The following NELL1 variants were observed in gnomAD, a reference collection of about 807,000 sequenced individuals.
The protein encoded by NELL1 is protein kinase C-binding protein NELL1.
A neutral mutation model predicts 107.4 loss-of-function variants in NELL1; 76 were observed. The observed-to-expected ratio is 0.71, with a 90% confidence interval of 0.59 to 0.86. The LOEUF (loss-of-function observed/expected upper bound fraction) is 0.86. Ranked by LOEUF, NELL1 falls within the 40% of genes least tolerant of loss-of-function variation. The probability of loss-of-function intolerance (pLI) is 0.00; values close to 1 mark genes in which losing one functional copy is unlikely to be tolerated. For synonymous variants in NELL1, 353 were observed against 341.2 expected, an observed-to-expected ratio of 1.03 and a Z score of -0.38; for missense variants, 1,024 against 1,005.5, an observed-to-expected ratio of 1.02 and a Z score of -0.25.
rs527331700 is a variant in NELL1 at position 21,193,965 on chromosome 11, G to A, written c.1427-35367G>A. On this transcript the variant is annotated intron_variant, in intron 13 of 19. Coordinates refer to ENST00000357134, the MANE Select transcript of NELL1 (RefSeq NM_006157.5). ...TTCATCTTTGAGGAGTCTCACAGAT[G>A]TGGATCATCCTTATTCCATCAAATT... Among the ~76,000 whole-genome samples the A allele has an allele frequency of 1.3e-3, 190 of 151,970 alleles. 6 individuals are homozygous for A. Among genetic ancestry groups the A allele is most frequent in the African/African-American group, 4.5e-3 (184 of 41,264 alleles).
At chr11:20,776,651 A>T (rs1856757163) in intron 2 of NELL1, among the ~76,000 whole-genome samples, 1 of 152,106 alleles carries the variant, frequency 6.6e-6, no homozygotes, top group Admixed American at 6.5e-5. Context: ...TCAGAAAAGG[A>T]GGGAGAGAAG....
At chr11:21,410,971 T>C (rs1852362497) in intron 15 of NELL1, among the ~76,000 whole-genome samples, 1 of 152,022 alleles carries the variant, frequency 6.6e-6, no homozygotes, top group South Asian at 2.1e-4. Context: ...GAAGAGAATA[T>C]AGCCTGGCCA....
At chr11:20,684,670 C>G (rs1055817904) in intron 2 of NELL1, among the ~76,000 whole-genome samples, 28 of 151,998 alleles carry the variant, frequency 1.8e-4, no homozygotes, top group African/African-American at 6.3e-4. Context: ...GTCTTTGGTA[C>G]TGAGCTTTTG....
chr11:21,513,620 A>G (rs979087267), intron 15 of NELL1, among the ~76,000 whole-genome samples: 8 of 152,206 alleles, frequency 5.3e-5, no homozygotes, highest in Non-Finnish European at 1.0e-4. Context: ...TTGTTAACTA[A>G]GCTAAAATAG....
intron 14 of NELL1, among the ~76,000 whole-genome samples, chr11:21,273,371 C>T (rs184085421): frequency 8.1e-4 from 124 of 152,148 alleles, no homozygotes; most frequent in African/African-American, 2.3e-3. Flanking sequence ...TAAAAAGAAA[C>T]GAACAAAGCC....
intron 13 of NELL1, among the ~76,000 whole-genome samples, chr11:21,183,782 A>T (rs1183672303): frequency 6.6e-6 from 1 of 151,814 alleles, no homozygotes; most frequent in African/African-American, 2.4e-5. Flanking sequence ...TAATAATGTG[A>T]TTGGAATCAG....
chr11:21,532,321 C>T (rs748127787), intron 15 of NELL1, among the ~76,000 whole-genome samples: 4 of 152,118 alleles, frequency 2.6e-5, no homozygotes, highest in Non-Finnish European at 4.4e-5. Context: ...AACTCCTTAT[C>T]GTTTCATTTT....
At chr11:20,737,691 C>T (rs1855794316) in intron 2 of NELL1, among the ~76,000 whole-genome samples, 1 of 151,898 alleles carries the variant, frequency 6.6e-6, no homozygotes. Flanking sequence ...TCTCCTACTA[C>T]TAGCATTATT....
At chr11:21,320,759 C>T (rs1241341635) in intron 14 of NELL1, among the ~76,000 whole-genome samples, 1 of 152,172 alleles carries the variant, frequency 6.6e-6, no homozygotes, top group Non-Finnish European at 1.5e-5. Flanking sequence ...CTTTACCTGA[C>T]AGGGAATTCT....
At chr11:21,170,023 G>T in intron 13 of NELL1, 2 of 1,204,432 alleles carry the variant, frequency 1.7e-6, no homozygotes, top group Non-Finnish European at 2.5e-6. Context: ...ATGTGGACAG[G>T]GTTGTCATCA....
intron 2 of NELL1, among the ~76,000 whole-genome samples, chr11:20,701,527 T>G (rs1458008750): frequency 6.6e-6 from 1 of 152,086 alleles, no homozygotes; most frequent in African/African-American, 2.4e-5. Flanking sequence ...ATCCCATTTG[T>G]CAACTTTGGC....
chr11:21,309,290 A>G (rs969841024), intron 14 of NELL1, among the ~76,000 whole-genome samples: 1 of 123,736 alleles, frequency 8.1e-6, no homozygotes, highest in Non-Finnish European at 1.6e-5. Flanking sequence ...GTATATATAT[A>G]TATATATATG....
chr11:21,174,638 G>A (rs545783859), intron 13 of NELL1, among the ~76,000 whole-genome samples: 3 of 151,766 alleles, frequency 2.0e-5, no homozygotes, highest in Admixed American at 6.6e-5. Context: ...TGTGAAGGAG[G>A]GAAGGAGGAG....
At chr11:21,291,397 CA>C (rs1294060971) in intron 14 of NELL1, among the ~76,000 whole-genome samples, 15 of 151,786 alleles carry the variant, frequency 9.9e-5, no homozygotes, top group African/African-American at 3.6e-4. Context: ...CAGAATAGAT[CA>C]ATAATAAGTT....
chr11:21,028,148 GA>G (rs1192416353), intron 12 of NELL1, among the ~76,000 whole-genome samples: 4 of 152,158 alleles, frequency 2.6e-5, no homozygotes, highest in African/African-American at 9.7e-5. Context: ...CTATATTTCT[GA>G]AGGGATGTAA....
chr11:21,135,237 A>C (rs2133763610), intron 13 of NELL1, among the ~76,000 whole-genome samples: 1 of 152,280 alleles, frequency 6.6e-6, no homozygotes, highest in East Asian at 1.9e-4. Context: ...GACAGCATCC[A>C]TTTGTGGCTT....
chr11:21,268,869 G>A (rs777414697), intron 14 of NELL1, among the ~76,000 whole-genome samples: 111 of 152,078 alleles, frequency 7.3e-4, no homozygotes, highest in Non-Finnish European at 1.4e-3. Flanking sequence ...TTTAAAACAG[G>A]TATGGTTAAC....
intron 5 of NELL1, among the ~76,000 whole-genome samples, chr11:20,915,700 G>GATATATATAT (rs369114547): frequency 5.4e-4 from 16 of 29,448 alleles, no homozygotes; most frequent in Admixed American, 1.2e-3. Context: ...CCTCATAGAT[G>GATATATATAT]ATATATATAT....
chr11:21,465,213 T>A (rs1853997243), intron 15 of NELL1, among the ~76,000 whole-genome samples: 1 of 151,920 alleles, frequency 6.6e-6, no homozygotes, highest in Admixed American at 6.6e-5. Context: ...GGCCCTAGAG[T>A]TGCTCTCCTT....
Sources: allele counts gnomAD v4.1 joint callset (sites outside exome capture counted in the v4.1 genomes callset), GRCh38; gene constraint gnomAD v4.1.1; transcripts MANE v1.5; gene names NCBI Gene and HGNC (gene_info 2026-07-23, HGNC 2026-07-21).